STAT2: variants seen among roughly 807,000 people sequenced by gnomAD.
STAT2 encodes interferon alpha induced transcriptional activator.
Under a neutral mutation model 122.3 loss-of-function variants are expected in STAT2, and 51 were observed. The observed-to-expected ratio is 0.42, with a 90% CI of 0.33 to 0.53. The LOEUF (loss-of-function observed/expected upper bound fraction) is 0.53. STAT2 is among the 20% of genes least tolerant of loss of function. The probability of loss-of-function intolerance (pLI) is 0.10; values close to 1 mark genes in which losing one functional copy is unlikely to be tolerated. For missense variants in STAT2, 736 were observed against 1,010.3 expected (o/e 0.73, Z 3.68); for synonymous variants, 351 against 394.9 (o/e 0.89, Z 1.32).
Position 56,346,934 on chromosome 12 carries a change from A to C in STAT2, c.1746T>G (p.Ser582Arg). 6.2e-7 allele frequency: 1 copy of C among 1,613,966 alleles called. No individual in the cohort carries two copies. Among genetic ancestry groups the C allele is most frequent in the Non-Finnish European group, 8.5e-7 (1 of 1,179,986 alleles). Residue 582 changes from serine to arginine, a missense_variant, in exon 20 of 24, where the codon AGT (serine) becomes AGG (arginine). Coordinates refer to ENST00000314128, the MANE Select transcript of STAT2 (RefSeq NM_005419.4). ...TCAGCAGCCGGCGCTCCTGGCTCCG[A>C]CTCACAAAGCCCATGATGCGTCTGG... ...WNDGRIMGFV[S>R]RSQERRLLKK... is the part of the protein sequence containing the mutation.
rs376180998 is a variant in STAT2, at chr12:56,356,119, C to T, written c.285+13G>A. 75 of 1,612,042 alleles carry T rather than the reference C, an allele frequency of 4.7e-5. No individual in the cohort carries two copies. Among genetic ancestry groups the T allele is most frequent in the Admixed American group, 1.2e-4 (7 of 59,900 alleles). On this transcript the variant is annotated intron_variant, in intron 3 of 23. Transcript: ENST00000314128. ...CCCAGTGCTACCCCATCACTCCCAA[C>T]CGTTCCAAGTACCTGAATGTCCCGG...
At position 56,354,634 on chromosome 12, in the gene STAT2, A is replaced by G; in HGVS notation, c.634-20T>C. On this transcript the variant is annotated intron_variant, in intron 7 of 23. Coordinates refer to ENST00000314128, the MANE Select transcript of STAT2 (RefSeq NM_005419.4). ...CACCTCCTGGGAAAGAGATAATGTG[A>G]GTGTTGAGCATCTCTCCCTTTCACC... The G allele has an allele frequency of 1.2e-6, 2 of 1,613,916 alleles. No individual in the cohort carries two copies. The highest frequency in any genetic ancestry group is 1.7e-6 in the Non-Finnish European group (2 of 1,179,906).
rs1412329844 is a variant in STAT2, at chr12:56,349,445, C to A, written c.1322G>T (p.Gly441Val). The A allele has an allele frequency of 3.1e-6, 5 of 1,614,094 alleles. No individual in the cohort carries two copies. Among genetic ancestry groups the A allele is most frequent in the Non-Finnish European group, 4.2e-6 (5 of 1,180,052 alleles). The change falls in exon 15 of 24, where the codon GGT becomes GTT. Residue 441 changes from glycine to valine, a missense_variant. Physicochemically the swap from Gly to Val is moderately radical, Grantham distance 109 (BLOSUM62 -3). Coordinates refer to ENST00000314128, the MANE Select transcript of STAT2 (RefSeq NM_005419.4). ...ISFTVKYTYQ[G>V]LKQELKTDTL... ...ACTCACTTTCAGCTCCTGCTTCAGACCCTGGTAGGTATATTTGACCGTGAA... is the reference window on the plus strand; with the variant it reads ...ACTCACTTTCAGCTCCTGCTTCAGAACCTGGTAGGTATATTTGACCGTGAA...
In STAT2 at chr12:56,346,478, G is replaced by C. The variant is rs1330342244; in HGVS notation, c.2008C>G (p.Arg670Gly). The change falls in exon 21 of 24, where the codon CGG becomes GGG. Residue 670 changes from arginine to glycine, a missense_variant. Arg to Gly is a moderately radical substitution (Grantham distance 125). Transcript: ENST00000314128. Reference protein sequence around the residue: ...PLRFLYPRIPRDEAFGCYYQE... With the variant: ...PLRFLYPRIPGDEAFGCYYQE... ...TAGTAGCACCCAAAAGCTTCATCCC[G>C]GGGGATTCGGGGATAGAGGAAGCGC... is the stretch of plus-strand genomic sequence containing the variant. 1.2e-6 allele frequency: 2 copies of C among 1,614,074 alleles called. No individual in the cohort carries two copies. Among genetic ancestry groups the C allele is most frequent in the Non-Finnish European group, 1.7e-6 (2 of 1,180,056 alleles).
intron 1 of STAT2, among the ~76,000 whole-genome samples, chr12:56,357,710 C>CTTTTTT (rs940388949): frequency 7.7e-6 from 1 of 130,154 alleles, no homozygotes; most frequent in African/African-American, 2.8e-5. Flanking sequence ...AATTTTCTTT[C>CTTTTTT]TTTTTTTTTT....
intron 19 of STAT2, 42 bp downstream of exon 19, chr12:56,348,487 G>A (rs377146082): frequency 3.7e-6 from 6 of 1,607,586 alleles, no homozygotes; most frequent in Non-Finnish European, 5.1e-6. Flanking sequence ...TCTCAAGCCC[G>A]GAAAGCACAA....
At chr12:56,348,687 C>T (rs1233247090) in intron 18 of STAT2, 64 bp from the exon 19 acceptor site, 61 of 1,613,600 alleles carry the variant, frequency 3.8e-5, no homozygotes, top group East Asian at 1.1e-4. Context: ...GAAGGAGGGA[C>T]GTGGGAAGGC....
At position 56,351,352 on chromosome 12, in the gene STAT2, G is replaced by A; in HGVS notation, c.881C>T (p.Thr294Ile). 2.5e-6 allele frequency: 4 copies of A among 1,614,108 alleles called. No individual in the cohort carries two copies. Among genetic ancestry groups the A allele is most frequent in the Non-Finnish European group, 2.5e-6 (3 of 1,180,038 alleles). The change falls in exon 9 of 24, where the codon ACC (threonine) becomes ATC (isoleucine). Residue 294 changes from threonine (T) to isoleucine (I), a missense_variant. Transcript: ENST00000314128. ...CLVSYQDDPLTKGVDLRNAQV... is the reference protein window; with the variant it reads ...CLVSYQDDPLIKGVDLRNAQV... The stretch of plus-strand genomic sequence containing the variant: ...GGCGTTGCGTAGGTCCACCCCTTTG[G>A]TCAGAGGGTCATCCTGATAGCTAAC...
At chr12:56,351,018 G>A in intron 10 of STAT2, 80 bp downstream of exon 10, 1 of 1,576,680 alleles carries the variant, frequency 6.3e-7, no homozygotes, top group Non-Finnish European at 8.7e-7. Flanking sequence ...AAAGCCAAGA[G>A]TGGGAAGAGC....
Position 56,346,505 on chromosome 12 carries a change from G to A in STAT2, c.1981C>T (p.Leu661=), listed in dbSNP as rs770985752. 4 of 1,614,228 alleles carry A rather than the reference G, an allele frequency of 2.5e-6. No individual in the cohort carries two copies. The highest frequency in any genetic ancestry group is 2.2e-5 in the East Asian group (1 of 44,884). Reference sequence around the variant, plus strand: ...GGGATTCGGGGATAGAGGAAGCGCAGTGGGTTTTCAGGTATATTCTCCTCA... The same window carrying A: ...GGGATTCGGGGATAGAGGAAGCGCAATGGGTTTTCAGGTATATTCTCCTCA... ...LTEENIPENP[L]RFLYPRIPRD... The change falls in exon 21 of 24, where the codon CTG becomes TTG. Residue 661 remains leucine, a synonymous_variant. Coordinates refer to ENST00000314128, the MANE Select transcript of STAT2 (RefSeq NM_005419.4).
At chr12:56,350,722 G>C in intron 11 of STAT2, 107 bp downstream of exon 11, 1 of 1,187,832 alleles carries the variant, frequency 8.4e-7, no homozygotes, top group Non-Finnish European at 1.2e-6. Context: ...TGTGAGGTAG[G>C]ATTGGAAGGA....
intron 22 of STAT2, among the ~76,000 whole-genome samples, chr12:56,345,375 C>T (rs1877226693): frequency 2.1e-5 from 3 of 145,180 alleles, no homozygotes. Context: ...ATGGCGTGTG[C>T]CTGTAGTCTC....
At position 56,348,561 on chromosome 12, in the gene STAT2, T is replaced by C; in HGVS notation, c.1692A>G (p.Val564=). The change falls in exon 19 of 24, where the codon GTA becomes GTG. Residue 564 remains valine, a synonymous_variant. Transcript: ENST00000314128. The stretch of plus-strand genomic sequence containing the variant: ...TCCAGAGATCCTTCAGGTGGTCATG[T>C]ACCAACTCCAGAATTTTGTCCAGCC... The part of the protein sequence containing the change: ...WTWLDKILEL[V]HDHLKDLWND... 1 of 1,614,172 alleles carries C rather than the reference T, an allele frequency of 6.2e-7. No individual in the cohort carries two copies. The highest frequency in any genetic ancestry group is 8.5e-7 in the Non-Finnish European group (1 of 1,180,032).
Position 56,348,560 on chromosome 12 carries a change from G to A in STAT2, c.1693C>T (p.His565Tyr), listed in dbSNP as rs143700674. The A allele has an allele frequency of 9.4e-5, 151 of 1,614,052 alleles. No homozygotes were observed. Among genetic ancestry groups the A allele is most frequent in the Non-Finnish European group, 1.2e-4 (137 of 1,180,048 alleles). The part of the protein sequence containing the change: ...TWLDKILELV[H>Y]DHLKDLWNDG... ...TTCCAGAGATCCTTCAGGTGGTCAT[G>A]TACCAACTCCAGAATTTTGTCCAGC... is the stretch of plus-strand genomic sequence containing the variant. Residue 565 changes from histidine to tyrosine, a missense_variant, in exon 19 of 24, where the codon CAT (histidine) becomes TAT (tyrosine). Physicochemically the swap from His to Tyr is moderately conservative, Grantham distance 83. Coordinates refer to ENST00000314128, the MANE Select transcript of STAT2 (RefSeq NM_005419.4).
Position 56,346,590 on chromosome 12 carries a change from C to A in STAT2, c.1896G>T (p.Thr632=), listed in dbSNP as rs749900999. The stretch of plus-strand genomic sequence containing the variant: ...GCGGGAGTGACTGCAGCACCTCCTT[C>A]GTGTACGGTTGCACAGAGTAGATGA... The part of the protein sequence containing the change: ...KVLIYSVQPY[T]KEVLQSLPLT... Residue 632 remains threonine (T), a synonymous_variant, in exon 21 of 24, where the codon ACG becomes ACT. Coordinates refer to ENST00000314128, the MANE Select transcript of STAT2 (RefSeq NM_005419.4). The A allele has an allele frequency of 8.7e-6, 14 of 1,614,062 alleles. No homozygotes were observed. Among genetic ancestry groups the A allele is most frequent in the Non-Finnish European group, 1.2e-5 (14 of 1,180,046 alleles).
Position 56,350,174 on chromosome 12 carries a change from T to C in STAT2, c.1132A>G (p.Ile378Val). The C allele has an allele frequency of 6.2e-7, 1 of 1,612,226 alleles. No homozygotes were observed. Among genetic ancestry groups the C allele is most frequent in the Admixed American group, 1.7e-5 (1 of 59,408 alleles). Residue 378 changes from isoleucine (I) to valine (V), a missense_variant, in exon 13 of 24, where the codon ATT (isoleucine) becomes GTT (valine). Transcript: ENST00000314128. ...PQLQGFRKFN[I>V]LTSNQKTLTP... ...AAAGTTTTCTGGTTTGAAGTCAGAA[T>C]GTTGAACTTCCGGAAGCTGTTCCAG...
At position 56,351,205 on chromosome 12, in the gene STAT2, G is replaced by A. The variant is rs373474740; in HGVS notation, c.942-15C>T. The A allele has an allele frequency of 6.2e-7, 1 of 1,612,568 alleles. No homozygotes were observed. The highest frequency in any genetic ancestry group is 1.3e-5 in the African/African-American group (1 of 74,876). On this transcript the variant is annotated splice_polypyrimidine_tract_variant and intron_variant, in intron 9 of 23. Coordinates refer to ENST00000314128, the MANE Select transcript of STAT2 (RefSeq NM_005419.4). ...CCACAAAGGCTCTGAGGAGAGAGAG[G>A]TGTGGAGAGAATATATAGCTCAGTA...
intron 1 of STAT2, 109 bp from the exon 2 acceptor site, chr12:56,356,687 T>C (rs189176739): frequency 1.9e-5 from 26 of 1,374,992 alleles, no homozygotes; most frequent in Non-Finnish European, 1.9e-5. Context: ...ATTATACAAG[T>C]AATAAAAATA....
chr12:56,352,344 A>C (rs1271699929), intron 8 of STAT2: 1 of 76,510 alleles, frequency 1.3e-5, no homozygotes, highest in African/African-American at 4.7e-5. Context: ...AACATTTGTA[A>C]CTATCTTTTT....
Sources: allele counts gnomAD v4.1 joint callset (sites outside exome capture counted in the v4.1 genomes callset), GRCh38; gene constraint gnomAD v4.1.1; transcripts MANE v1.5; gene names NCBI Gene and HGNC (gene_info 2026-07-23, HGNC 2026-07-21).